Variants in ADAMTSL1 observed in about 807,000 individuals in gnomAD.
The protein encoded by ADAMTSL1 is ADAMTS-like protein 1.
In ADAMTSL1, 126 loss-of-function variants were observed where a neutral mutation model predicts 201.8. The observed-to-expected ratio is 0.62, with a 90% CI of 0.54 to 0.72. ADAMTSL1 has a LOEUF of 0.72. ADAMTSL1 is among the 30% of genes least tolerant of loss of function. ADAMTSL1 has a pLI of 0.00. For missense variants in ADAMTSL1, 2,679 were observed against 2,277.8 expected, an observed-to-expected ratio of 1.18 and a Z score of -3.59; for synonymous variants, 1,121 against 903.4, an observed-to-expected ratio of 1.24 and a Z score of -4.32.
At chr9:18,806,874 C>T (rs537979996) in intron 20 of ADAMTSL1, among the ~76,000 whole-genome samples, 2 of 152,220 alleles carry the variant, frequency 1.3e-5, no homozygotes, top group Admixed American at 1.3e-4. Context: ...TCCTTAATGG[C>T]CTTCACATCC....
At chr9:17,976,077 GTCA>G in intron 1 of ADAMTSL1, among the ~76,000 whole-genome samples, 1 of 151,990 alleles carries the variant, frequency 6.6e-6, no homozygotes, top group East Asian at 1.9e-4. Flanking sequence ...TGATCCTTTG[GTCA>G]TTGTGTCTAT....
chr9:18,619,896 A>G (rs1015821651), intron 4 of ADAMTSL1, among the ~76,000 whole-genome samples: 2 of 152,146 alleles, frequency 1.3e-5, no homozygotes, highest in Non-Finnish European at 2.9e-5. Context: ...GTCCTCTTCA[A>G]TCCCAAAAAC....
intron 1 of ADAMTSL1, among the ~76,000 whole-genome samples, chr9:18,498,282 T>C (rs759096857): frequency 1.3e-5 from 2 of 151,808 alleles, no homozygotes; most frequent in Non-Finnish European, 2.9e-5. Flanking sequence ...GTACTTCACA[T>C]GTGTTCTCTC....
chr9:18,542,044 C>T (rs898324470), intron 3 of ADAMTSL1, among the ~76,000 whole-genome samples: 2 of 152,316 alleles, frequency 1.3e-5, no homozygotes, highest in Non-Finnish European at 2.9e-5. Flanking sequence ...GAAGGACACA[C>T]ATCCAACTGA....
At chr9:17,907,215 C>T (rs886841336) in intron 1 of ADAMTSL1, among the ~76,000 whole-genome samples, 2 of 152,178 alleles carry the variant, frequency 1.3e-5, no homozygotes, top group African/African-American at 4.8e-5. Flanking sequence ...GGCGAGAAGG[C>T]GGCGCCTGAG....
At chr9:18,873,464 T>C (rs1353424934) in intron 23 of ADAMTSL1, among the ~76,000 whole-genome samples, 2 of 152,206 alleles carry the variant, frequency 1.3e-5, no homozygotes, top group Non-Finnish European at 2.9e-5. Flanking sequence ...CCATTTTGAG[T>C]TGACTTTTGT....
chr9:18,284,729 C>T (rs1004681311), intron 2 of ADAMTSL1, among the ~76,000 whole-genome samples: 14 of 152,050 alleles, frequency 9.2e-5, no homozygotes, highest in African/African-American at 7.2e-5. Flanking sequence ...TACTACTGCT[C>T]GTATTTTATT....
At chr9:18,276,567 G>A (rs765004808) in intron 2 of ADAMTSL1, among the ~76,000 whole-genome samples, 29 of 152,210 alleles carry the variant, frequency 1.9e-4, no homozygotes, top group Non-Finnish European at 4.1e-4. Flanking sequence ...AATTTAGCAA[G>A]ATGAGAGGTT....
chr9:18,709,477 T>C (rs991665148), intron 14 of ADAMTSL1, among the ~76,000 whole-genome samples: 5 of 152,142 alleles, frequency 3.3e-5, no homozygotes, highest in Admixed American at 3.3e-4. Context: ...AGAGATGAAA[T>C]TGGATAGACA....
intron 1 of ADAMTSL1, among the ~76,000 whole-genome samples, chr9:18,002,942 C>T (rs1202525157): frequency 6.6e-6 from 1 of 152,074 alleles, no homozygotes; most frequent in Non-Finnish European, 1.5e-5. Context: ...TGCGGACCCA[C>T]TGCCAACCTT....
At chr9:17,945,467 T>C (rs1827421637) in intron 1 of ADAMTSL1, among the ~76,000 whole-genome samples, 2 of 150,032 alleles carry the variant, frequency 1.3e-5, no homozygotes, top group Non-Finnish European at 3.0e-5. Context: ...CATTACTGGG[T>C]ATATACCCAA....
intron 23 of ADAMTSL1, among the ~76,000 whole-genome samples, chr9:18,875,842 T>G (rs1271373840): frequency 2.6e-5 from 4 of 152,188 alleles, no homozygotes; most frequent in African/African-American, 9.6e-5. Flanking sequence ...TTTCAGTGGA[T>G]TATTGAAGTC....
At chr9:18,672,682 T>G (rs1275543534) in intron 9 of ADAMTSL1, among the ~76,000 whole-genome samples, 1 of 152,250 alleles carries the variant, frequency 6.6e-6, no homozygotes, top group East Asian at 1.9e-4. Context: ...TTTGAGCATT[T>G]TTCCATGTCA....
At chr9:18,650,990 C>G (rs1828208441) in intron 7 of ADAMTSL1, among the ~76,000 whole-genome samples, 1 of 152,172 alleles carries the variant, frequency 6.6e-6, no homozygotes, top group Non-Finnish European at 1.5e-5. Context: ...TACTTACTTT[C>G]CATCTTTTTG....
At position 18,901,337 on chromosome 9, in the gene ADAMTSL1, C is replaced by G. The variant is rs145258578; in HGVS notation, c.4852-4445C>G. ...TATAATAAAAAGATGCTAGTTAACT[C>G]CAAGCCACCTGAACATATAAAGACT... On this transcript the variant is annotated intron_variant, in intron 26 of 28. Transcript: ENST00000380548. Among the ~76,000 whole-genome samples the G allele has an allele frequency of 3.5e-4, 53 of 152,188 alleles. 1 individual carries two copies. In the East Asian group the frequency reaches 8.7e-3, roughly 25 times the overall value.
intron 1 of ADAMTSL1, among the ~76,000 whole-genome samples, chr9:18,126,599 A>C (rs760570815): frequency 6.6e-6 from 1 of 152,154 alleles, no homozygotes; most frequent in African/African-American, 2.4e-5. Context: ...AAATCAGCTG[A>C]TGTCATTTGG....
chr9:18,046,895 T>G (rs933421275), intron 1 of ADAMTSL1, among the ~76,000 whole-genome samples: 31 of 151,796 alleles, frequency 2.0e-4, no homozygotes, highest in African/African-American at 7.0e-4. Context: ...GTCTCTGAAG[T>G]CCAAGATAAA....
rs530878349 is a variant in ADAMTSL1 at position 18,146,743 on chromosome 9, C to T, written c.88-17119C>T. Among the ~76,000 whole-genome samples, 11 of 152,134 alleles carry T rather than the reference C, an allele frequency of 7.2e-5. No homozygotes were observed. The East Asian group carries it at 2.1e-3, about 29-fold the overall frequency. On this transcript the variant is annotated intron_variant, in intron 1 of 29. Transcript: ENST00000680146. Reference sequence around the variant, plus strand: ...TCTTCAGTGAATGTGGTAGTGTGCCCTTATAAAGAACACACAGGATTCAAG... The same window carrying T: ...TCTTCAGTGAATGTGGTAGTGTGCCTTTATAAAGAACACACAGGATTCAAG...
chr9:17,979,961 C>G (rs1818620895), intron 1 of ADAMTSL1, among the ~76,000 whole-genome samples: 1 of 152,012 alleles, frequency 6.6e-6, no homozygotes, highest in South Asian at 2.1e-4. Flanking sequence ...TAACATGAAG[C>G]TTGGAACCGT....
Sources: allele counts gnomAD v4.1 joint callset (sites outside exome capture counted in the v4.1 genomes callset), GRCh38; gene constraint gnomAD v4.1.1; transcripts MANE v1.5; gene names NCBI Gene and HGNC (gene_info 2026-07-23, HGNC 2026-07-21).